The following XPA variants were observed in gnomAD, a reference collection of about 807,000 sequenced individuals.
The protein encoded by XPA is XPA, DNA damage recognition and repair factor, also known as DNA repair protein complementing XP-A cells.
A neutral mutation model predicts 35.7 loss-of-function variants in XPA; 27 were observed. That is an observed-to-expected ratio of 0.76 (90% CI 0.56 to 1.04). The LOEUF is 1.04. Among genes scored for constraint, XPA ranks in the 50% least tolerant of loss-of-function variants. The pLI is 0.00. For synonymous variants in XPA, 133 were observed against 118.4 expected, an observed-to-expected ratio of 1.12 and a Z score of -0.80; for missense variants, 354 against 342.7, an observed-to-expected ratio of 1.03 and a Z score of -0.26.
chr9:97,680,209 ATTG>A (rs1220727974), intron 5 of XPA, among the ~76,000 whole-genome samples: 1 of 152,072 alleles, frequency 6.6e-6, no homozygotes. Context: ...GAAGAACACC[ATTG>A]TTTTTTGTTT....
chr9:97,693,897 CATT>C (rs2131406463), intron 1 of XPA, 138 bp from the exon 2 acceptor site: 1 of 818,190 alleles, frequency 1.2e-6, no homozygotes, highest in Non-Finnish European at 2.0e-6. Flanking sequence ...TTCTATTCAA[CATT>C]ATACTGAAGG....
At chr9:97,684,135 C>T (rs1390733350) in intron 5 of XPA, among the ~76,000 whole-genome samples, 1 of 152,134 alleles carries the variant, frequency 6.6e-6, no homozygotes, top group East Asian at 1.9e-4. Context: ...TATCATGGTA[C>T]CTAGCACACT....
chr9:97,688,134 C>A (rs1366000844), intron 3 of XPA, among the ~76,000 whole-genome samples: 2 of 152,170 alleles, frequency 1.3e-5, no homozygotes, highest in Non-Finnish European at 2.9e-5. Flanking sequence ...GGACTGTGTT[C>A]CTGATTATGA....
chr9:97,685,084 T>C, intron 4 of XPA, 44 bp from the exon 5 acceptor site: 2 of 1,533,850 alleles, frequency 1.3e-6, no homozygotes, highest in East Asian at 4.5e-5. Flanking sequence ...GATTCAGACT[T>C]GCGAAATATT....
At chr9:97,688,945 G>A (rs972175263) in intron 3 of XPA, among the ~76,000 whole-genome samples, 16 of 152,092 alleles carry the variant, frequency 1.1e-4, no homozygotes, top group Non-Finnish European at 2.4e-4. Context: ...TATCAACACA[G>A]CATTTGGCTG....
At chr9:97,663,856 G>A in the XPA span, among the ~76,000 whole-genome samples, 2 of 151,770 alleles carry the variant, frequency 1.3e-5, no homozygotes, top group Non-Finnish European at 2.9e-5. Context: ...TAGTGCTAGA[G>A]CAAAGCAAAG....
At chr9:97,696,860 C>A (rs1829057517) in intron 1 of XPA, among the ~76,000 whole-genome samples, 1 of 152,238 alleles carries the variant, frequency 6.6e-6, no homozygotes, top group South Asian at 2.1e-4. Context: ...AAGCTGCCAG[C>A]AGCCGAGGTG....
the XPA span, among the ~76,000 whole-genome samples, chr9:97,665,777 A>G: frequency 6.3e-5 from 6 of 95,634 alleles, no homozygotes; most frequent in South Asian, 2.2e-3. Flanking sequence ...CCACACAGTC[A>G]AAAATCTGCA....
intron 1 of XPA, 142 bp downstream of exon 1, chr9:97,696,979 C>T: frequency 8.6e-7 from 1 of 1,169,300 alleles, no homozygotes; most frequent in Non-Finnish European, 1.1e-6. Context: ...GGCGGATTCC[C>T]TCTCCGACTC....
intron 5 of XPA, among the ~76,000 whole-genome samples, chr9:97,677,940 G>C (rs1828417880): frequency 6.6e-6 from 1 of 151,960 alleles, no homozygotes; most frequent in South Asian, 2.1e-4. Context: ...GGAGCCACCA[G>C]GTTTCTCATC....
intron 1 of XPA, among the ~76,000 whole-genome samples, chr9:97,695,344 C>T (rs142877827): frequency 6.6e-6 from 1 of 152,228 alleles, no homozygotes; most frequent in East Asian, 1.9e-4. Flanking sequence ...CAGCAATTCT[C>T]ACACTATAAT....
chr9:97,665,042 A>G, the XPA span, among the ~76,000 whole-genome samples: 2 of 152,336 alleles, frequency 1.3e-5, no homozygotes, highest in South Asian at 2.1e-4. Context: ...TACAGCTGAT[A>G]GGACCAGGGC....
At chr9:97,666,733 T>G in the XPA span, 1 of 1,409,304 alleles carries the variant, frequency 7.1e-7, no homozygotes, top group Middle Eastern at 1.8e-4. Context: ...TAGCTTGACA[T>G]ACAGTAACCA....
intron 2 of XPA, among the ~76,000 whole-genome samples, chr9:97,693,260 G>A (rs572123929): frequency 6.6e-6 from 1 of 152,198 alleles, no homozygotes; most frequent in South Asian, 2.1e-4. Context: ...TACTTTGTAA[G>A]CTGCTTTCTT....
intron 5 of XPA, among the ~76,000 whole-genome samples, chr9:97,683,077 TAATA>T: frequency 6.6e-6 from 1 of 152,206 alleles, no homozygotes; most frequent in Non-Finnish European, 1.5e-5. Context: ...GGTTTTTAAT[TAATA>T]CTTATTATTT....
the XPA span, chr9:97,662,148 T>C: frequency 6.2e-7 from 1 of 1,605,098 alleles, no homozygotes; most frequent in Non-Finnish European, 8.5e-7. Context: ...TTGCAAAGTA[T>C]GTATGAGTAC....
intron 5 of XPA, among the ~76,000 whole-genome samples, chr9:97,678,338 T>C (rs1337994961): frequency 6.6e-6 from 1 of 151,984 alleles, no homozygotes; most frequent in African/African-American, 2.4e-5. Flanking sequence ...GAGGTGAAGG[T>C]TGCAGTGAGC....
At chr9:97,670,440 T>C (rs1381687208), downstream of XPA, among the ~76,000 whole-genome samples, 1 of 152,218 alleles carries the variant, frequency 6.6e-6, no homozygotes, top group African/African-American at 2.4e-5. Flanking sequence ...GTTAAAGGTA[T>C]ATAGGAGAGT....
At chr9:97,678,336 G>A (rs1214543892) in intron 5 of XPA, among the ~76,000 whole-genome samples, 5 of 152,278 alleles carry the variant, frequency 3.3e-5, no homozygotes, top group East Asian at 3.9e-4. Flanking sequence ...GGGAGGTGAA[G>A]GTTGCAGTGA....
Sources: gnomAD v4.1 joint callset for allele counts (sites outside exome capture counted in the v4.1 genomes callset) on GRCh38, gnomAD v4.1.1 for gene constraint, MANE v1.5 for transcripts, NCBI Gene and HGNC (gene_info 2026-07-23, HGNC 2026-07-21) for gene names.